FAM110B: variants seen among roughly 807,000 people sequenced by gnomAD.
The protein encoded by FAM110B is protein FAM110B.
In FAM110B, 6 loss-of-function variants were observed where a neutral mutation model predicts 20.4. The observed-to-expected ratio is 0.29, with a 90% CI of 0.16 to 0.58. The LOEUF (loss-of-function observed/expected upper bound fraction) is 0.58, where lower values mean the gene tolerates loss of function less well. Among genes scored for constraint, FAM110B ranks in the 20% least tolerant of loss-of-function variants. FAM110B has a pLI of 0.90. For synonymous variants in FAM110B, 226 were observed against 214.1 expected, an observed-to-expected ratio of 1.06 and a Z score of -0.49; for missense variants, 434 against 498.2, an observed-to-expected ratio of 0.87 and a Z score of 1.23.
At chr8:58,075,031 T>C (rs1805998921) in intron 2 of FAM110B, among the ~76,000 whole-genome samples, 1 of 152,200 alleles carries the variant, frequency 6.6e-6, no homozygotes, top group Non-Finnish European at 1.5e-5. Context: ...AGTTTCCAAA[T>C]GAAGTTGTAA....
At chr8:58,105,589 GAC>G (rs1806889541) in intron 3 of FAM110B, among the ~76,000 whole-genome samples, 1 of 47,784 alleles carries the variant, frequency 2.1e-5, no homozygotes, top group Non-Finnish European at 3.7e-5. Context: ...TTTTTTTTGT[GAC>G]AGAGTCTGGC....
intron 3 of FAM110B, among the ~76,000 whole-genome samples, chr8:58,076,152 G>A (rs1806031951): frequency 6.6e-6 from 1 of 152,058 alleles, no homozygotes; most frequent in Non-Finnish European, 1.5e-5. Context: ...ATAGAGATGG[G>A]GTCTCACTAT....
intron 3 of FAM110B, among the ~76,000 whole-genome samples, chr8:58,139,050 A>C (rs1803685012): frequency 6.6e-6 from 1 of 152,230 alleles, no homozygotes; most frequent in African/African-American, 2.4e-5. Context: ...TTGTCGAAAA[A>C]ATTAAAGTGC....
chr8:58,004,854 G>T (rs772252059), intron 1 of FAM110B, among the ~76,000 whole-genome samples: 24 of 152,214 alleles, frequency 1.6e-4, no homozygotes, highest in Admixed American at 5.9e-4. Flanking sequence ...CCTTGCTCTG[G>T]ATTGGGCCTT....
At chr8:58,051,526 C>T (rs1181478509) in intron 2 of FAM110B, among the ~76,000 whole-genome samples, 1 of 152,086 alleles carries the variant, frequency 6.6e-6, no homozygotes, top group Non-Finnish European at 1.5e-5. Flanking sequence ...CAAAATCAGG[C>T]TGCTTGTTAG....
chr8:58,013,360 T>C (rs372596894), intron 1 of FAM110B, among the ~76,000 whole-genome samples: 1 of 152,278 alleles, frequency 6.6e-6, no homozygotes, highest in African/African-American at 2.4e-5. Context: ...CAGGGGCTTA[T>C]GGTGGGGAGT....
intron 2 of FAM110B, among the ~76,000 whole-genome samples, chr8:58,052,902 C>G (rs569076743): frequency 6.7e-6 from 1 of 149,126 alleles, no homozygotes; most frequent in Non-Finnish European, 1.5e-5. Flanking sequence ...TCTCCTGCCT[C>G]AGCCTCCCGA....
At chr8:58,089,851 T>C (rs2150602632) in intron 3 of FAM110B, among the ~76,000 whole-genome samples, 1 of 152,346 alleles carries the variant, frequency 6.6e-6, no homozygotes, top group South Asian at 2.1e-4. Flanking sequence ...ATTTTTGCCA[T>C]TTGGCATTTT....
chr8:58,061,383 A>G (rs57550641), intron 2 of FAM110B, among the ~76,000 whole-genome samples: 8,516 of 152,206 alleles, frequency 0.056, 316 homozygotes, highest in South Asian at 0.11. Context: ...GAGTATGCAA[A>G]CCACTTGTGT....
chr8:58,013,392 A>G (rs952011658), intron 1 of FAM110B, among the ~76,000 whole-genome samples: 1 of 152,178 alleles, frequency 6.6e-6, no homozygotes, highest in Non-Finnish European at 1.5e-5. Flanking sequence ...TGTCTCTGGC[A>G]GTAGTCCCAG....
At chr8:58,098,426 G>C (rs572978837) in intron 3 of FAM110B, among the ~76,000 whole-genome samples, 2 of 152,342 alleles carry the variant, frequency 1.3e-5, no homozygotes, top group African/African-American at 4.8e-5. Flanking sequence ...GTGGACTTCA[G>C]ACTGCTGTGC....
At chr8:58,054,113 A>G (rs1456294899) in intron 2 of FAM110B, among the ~76,000 whole-genome samples, 1 of 152,218 alleles carries the variant, frequency 6.6e-6, no homozygotes, top group African/African-American at 2.4e-5. Flanking sequence ...AAACTCAGTG[A>G]TTGACACAAG....
chr8:58,145,315 G>GTTT (rs34339289), intron 3 of FAM110B, among the ~76,000 whole-genome samples: 1 of 143,318 alleles, frequency 7.0e-6, no homozygotes, highest in East Asian at 2.1e-4. Context: ...ACGTGTTGAG[G>GTTT]TTTTTTTTTT....
intron 2 of FAM110B, among the ~76,000 whole-genome samples, chr8:58,059,994 T>G (rs1361252298): frequency 6.6e-6 from 1 of 152,240 alleles, no homozygotes; most frequent in African/African-American, 2.4e-5. Flanking sequence ...GAAAATACTT[T>G]AAATTTTTCA....
At chr8:58,110,611 C>T (rs1041282604) in intron 3 of FAM110B, among the ~76,000 whole-genome samples, 3 of 152,164 alleles carry the variant, frequency 2.0e-5, no homozygotes, top group Admixed American at 6.5e-5. Flanking sequence ...GACCGTAAAT[C>T]AGAGCCCTTG....
In FAM110B at chr8:58,148,380, T is replaced by C. The variant is rs1401504381; in HGVS notation, c.*1037T>C. On this transcript the variant is annotated 3_prime_UTR_variant, in exon 4 of 4. Coordinates refer to ENST00000519262, the MANE Select transcript of FAM110B (RefSeq NM_001377989.1). ...GTAGCTGAACCATATCTGAGCAGCG[T>C]GATTCTGTTGTCTTGCATATGTTAT... is the stretch of plus-strand genomic sequence containing the variant. 1.2e-5 allele frequency: 2 copies of C among 167,080 alleles called. No homozygotes were observed. The highest frequency in any genetic ancestry group is 1.5e-5 in the Non-Finnish European group (1 of 68,124). The allele number at this position is 167,080 out of a possible 1,614,324, so 10.3% of individuals were successfully genotyped here. A position where few individuals can be genotyped will look rare whatever the true frequency, so the allele number is the denominator to read the frequency against.
chr8:58,136,290 G>A (rs977427830), intron 3 of FAM110B, among the ~76,000 whole-genome samples: 6 of 152,076 alleles, frequency 3.9e-5, no homozygotes, highest in African/African-American at 7.2e-5. Context: ...GATTATAGGC[G>A]TGAGCCACCG....
At chr8:58,072,265 C>T (rs1244403385) in intron 2 of FAM110B, among the ~76,000 whole-genome samples, 1 of 152,144 alleles carries the variant, frequency 6.6e-6, no homozygotes, top group African/African-American at 2.4e-5. Flanking sequence ...GGCAGAGCCC[C>T]TTTGAGGTGT....
intron 3 of FAM110B, among the ~76,000 whole-genome samples, chr8:58,144,731 TTA>T (rs1481228034): frequency 6.6e-6 from 1 of 152,224 alleles, no homozygotes; most frequent in Non-Finnish European, 1.5e-5. Flanking sequence ...AAAGATGCTG[TTA>T]AGGTCATTAG....
Sources: gnomAD v4.1 joint callset for allele counts (sites outside exome capture counted in the v4.1 genomes callset) on GRCh38, gnomAD v4.1.1 for gene constraint, MANE v1.5 for transcripts, NCBI Gene and HGNC (gene_info 2026-07-23, HGNC 2026-07-21) for gene names.